The following AMMECR1 variants were observed in gnomAD, a reference collection of about 807,000 sequenced individuals.
AMMECR1 encodes the protein AMMECR nuclear protein 1.
AMMECR1 carries 3 observed loss-of-function variants against 22.5 expected under a neutral mutation model. That is an observed-to-expected ratio of 0.13 (90% CI 0.06 to 0.35). AMMECR1 has a LOEUF of 0.35. Among genes scored for constraint, AMMECR1 ranks in the 10% least tolerant of loss-of-function variants. The probability of loss-of-function intolerance (pLI) is 1.00; values close to 1 mark genes in which losing one functional copy is unlikely to be tolerated. For synonymous variants in AMMECR1, 130 were observed against 116.7 expected, an observed-to-expected ratio of 1.11 and a Z score of -0.74; for missense variants, 235 against 278.7, an observed-to-expected ratio of 0.84 and a Z score of 1.12.
At chrX:110,309,005 T>C (rs1409757832) in intron 1 of AMMECR1, 2 of 112,131 alleles carry the variant, frequency 1.8e-5, no homozygotes, top group African/African-American at 6.5e-5. Flanking sequence ...ACAAAGTGTT[T>C]GCCTTGCTAC....
intron 2 of AMMECR1, among the ~76,000 whole-genome samples, chrX:110,413,755 C>A (rs1202188362): frequency 9.0e-6 from 1 of 110,668 alleles, no homozygotes; most frequent in Non-Finnish European, 1.9e-5. Context: ...TTTTGAGCCC[C>A]CTCCATCCAT....
At chrX:110,209,926 C>T (rs1368491982) in intron 3 of AMMECR1, among the ~76,000 whole-genome samples, 3 of 109,649 alleles carry the variant, frequency 2.7e-5, no homozygotes, top group Admixed American at 9.8e-5. Context: ...ATAGCTATAA[C>T]AAAAGTACTA....
At chrX:110,404,842 A>T (rs1202405013) in intron 2 of AMMECR1, among the ~76,000 whole-genome samples, 1 of 111,833 alleles carries the variant, frequency 8.9e-6, no homozygotes, top group Non-Finnish European at 1.9e-5. Flanking sequence ...TCTTGGCATA[A>T]GTAAAAACAT....
At chrX:110,392,612 C>A (rs2068502561) in intron 2 of AMMECR1, among the ~76,000 whole-genome samples, 1 of 111,455 alleles carries the variant, frequency 9.0e-6, no homozygotes, top group South Asian at 3.8e-4. Flanking sequence ...GAAGCCAATA[C>A]CATACATTAA....
intron 3 of AMMECR1, among the ~76,000 whole-genome samples, chrX:110,206,150 T>C (rs748532299): frequency 8.9e-5 from 10 of 112,156 alleles, no homozygotes; most frequent in Non-Finnish European, 1.3e-4. Context: ...TCCATTTCTC[T>C]ATTTTTTCAC....
rs979492336 is a variant in AMMECR1 at position 110,302,339 on chromosome X, T to C, written c.473+15260A>G. Among the ~76,000 whole-genome samples, 4 of 110,664 alleles carry C rather than the reference T, an allele frequency of 3.6e-5. No homozygotes were observed. The South Asian group carries it at 1.5e-3, about 43-fold the overall frequency. Reference sequence around the variant, plus strand: ...TGCTGTAGACACTCAAATCCAATGATTGAAAAAAAAACTTGGAAGTCATAA... The same window carrying C: ...TGCTGTAGACACTCAAATCCAATGACTGAAAAAAAAACTTGGAAGTCATAA... On this transcript the variant is annotated intron_variant, in intron 1 of 5. Coordinates refer to ENST00000262844, the MANE Select transcript of AMMECR1 (RefSeq NM_015365.3).
At chrX:110,331,505 A>G (rs1170563492) in intron 2 of AMMECR1, among the ~76,000 whole-genome samples, 1 of 110,267 alleles carries the variant, frequency 9.1e-6, no homozygotes. Flanking sequence ...ACTCTTACTT[A>G]TCTCTCATTC....
At chrX:110,429,390 T>C (rs932708498) in intron 1 of AMMECR1, among the ~76,000 whole-genome samples, 2 of 111,418 alleles carry the variant, frequency 1.8e-5, no homozygotes, top group Non-Finnish European at 3.8e-5. Flanking sequence ...TTATTAGCTA[T>C]GCAACATTGA....
chrX:110,260,700 A>G (rs1029562467), intron 2 of AMMECR1, among the ~76,000 whole-genome samples: 1 of 111,594 alleles, frequency 9.0e-6, no homozygotes, highest in Non-Finnish European at 1.9e-5. Context: ...TTCACTTTTA[A>G]GAGGAAAAAG....
At chrX:110,245,244 C>T (rs1378264511) in intron 2 of AMMECR1, among the ~76,000 whole-genome samples, 1 of 111,873 alleles carries the variant, frequency 8.9e-6, no homozygotes, top group Admixed American at 9.5e-5. Flanking sequence ...TGACTACTGG[C>T]AATTGTTAAG....
chrX:110,366,752 G>A (rs1209389924), intron 2 of AMMECR1, among the ~76,000 whole-genome samples: 1 of 111,711 alleles, frequency 9.0e-6, no homozygotes, highest in African/African-American at 3.3e-5. Context: ...CCCAGCAGCC[G>A]AATGAGATTG....
upstream of AMMECR1, among the ~76,000 whole-genome samples, chrX:110,322,395 GT>G (rs2068082420): frequency 9.0e-6 from 1 of 111,691 alleles, no homozygotes; most frequent in East Asian, 2.8e-4. Context: ...TTACTTGACT[GT>G]TTTTCTCTTT....
intron 3 of AMMECR1, among the ~76,000 whole-genome samples, chrX:110,205,728 C>T (rs755481847): frequency 7.2e-5 from 8 of 111,398 alleles, no homozygotes; most frequent in Non-Finnish European, 1.3e-4. Context: ...AAAATGCTTT[C>T]GAGGTCCATC....
chrX:110,412,553 G>A (rs1203898455), intron 2 of AMMECR1, among the ~76,000 whole-genome samples: 1 of 111,757 alleles, frequency 8.9e-6, no homozygotes, highest in Non-Finnish European at 1.9e-5. Context: ...CTGTAAAATG[G>A]GAAAAGTAAC....
intron 2 of AMMECR1, among the ~76,000 whole-genome samples, chrX:110,231,488 C>T (rs2067565945): frequency 8.9e-6 from 1 of 112,065 alleles, no homozygotes; most frequent in Non-Finnish European, 1.9e-5. Context: ...CACCACCAGG[C>T]CTGTCTTACA....
At chrX:110,302,944 T>C (rs2067975751) in intron 1 of AMMECR1, among the ~76,000 whole-genome samples, 1 of 111,255 alleles carries the variant, frequency 9.0e-6, no homozygotes, top group Non-Finnish European at 1.9e-5. Flanking sequence ...TTTCCTAAAT[T>C]TATACTTCAA....
At chrX:110,360,691 G>T (rs2068257567) in intron 2 of AMMECR1, among the ~76,000 whole-genome samples, 1 of 111,326 alleles carries the variant, frequency 9.0e-6, no homozygotes, top group Non-Finnish European at 1.9e-5. Flanking sequence ...GATTTTTTTG[G>T]AGGGGAAGGA....
At chrX:110,386,881 A>G (rs2068459209) in intron 2 of AMMECR1, among the ~76,000 whole-genome samples, 1 of 112,475 alleles carries the variant, frequency 8.9e-6, no homozygotes, top group Admixed American at 9.4e-5. Context: ...AGAAGAGAAG[A>G]TGCAAACATG....
chrX:110,436,004 C>G (rs886710733), intron 1 of AMMECR1, among the ~76,000 whole-genome samples: 1 of 112,467 alleles, frequency 8.9e-6, no homozygotes, highest in East Asian at 2.8e-4. Context: ...AGAGGCAAAG[C>G]CTGCCGGTGT....
Sources: gnomAD v4.1 joint callset for allele counts (sites outside exome capture counted in the v4.1 genomes callset) on GRCh38, gnomAD v4.1.1 for gene constraint, MANE v1.5 for transcripts, NCBI Gene and HGNC (gene_info 2026-07-23, HGNC 2026-07-21) for gene names.